PTPRD: variants seen among roughly 807,000 people sequenced by gnomAD.
The protein encoded by PTPRD is protein tyrosine phosphatase receptor type D.
Under a neutral mutation model 214.5 loss-of-function variants are expected in PTPRD, and 34 were observed. That is an observed-to-expected ratio of 0.16 (90% confidence interval 0.12 to 0.21). The LOEUF (loss-of-function observed/expected upper bound fraction) is 0.21. PTPRD is among the 10% of genes least tolerant of loss of function. PTPRD has a pLI of 1.00. For synonymous variants in PTPRD, 1,128 were observed against 845.7 expected (o/e 1.33, Z -5.79); for missense variants, 2,545 against 2,398.7 (o/e 1.06, Z -1.27).
intron 8 of PTPRD, among the ~76,000 whole-genome samples, chr9:9,563,605 A>G (rs891775173): frequency 6.6e-6 from 1 of 152,192 alleles, no homozygotes; most frequent in Non-Finnish European, 1.5e-5. Flanking sequence ...TCAGAGGATC[A>G]GGACAGCTGT....
At chr9:9,975,093 C>A (rs998079419) in intron 4 of PTPRD, among the ~76,000 whole-genome samples, 9 of 151,810 alleles carry the variant, frequency 5.9e-5, no homozygotes, top group African/African-American at 2.2e-4. Flanking sequence ...CCCACTCTCC[C>A]GTTAGCACTG....
intron 44 of PTPRD, among the ~76,000 whole-genome samples, chr9:8,324,276 G>C (rs1370065639): frequency 1.3e-5 from 2 of 152,004 alleles, no homozygotes; most frequent in East Asian, 1.9e-4. Context: ...GCAGGCCCTG[G>C]TGTGTGATGT....
intron 11 of PTPRD, among the ~76,000 whole-genome samples, chr9:8,913,328 T>G (rs2098760958): frequency 6.6e-6 from 1 of 152,112 alleles, no homozygotes; most frequent in African/African-American, 2.4e-5. Context: ...GTTACTATTT[T>G]TAGAATCCGC....
intron 10 of PTPRD, among the ~76,000 whole-genome samples, chr9:9,114,472 G>T (rs1489999359): frequency 2.0e-5 from 3 of 152,100 alleles, no homozygotes; most frequent in East Asian, 3.9e-4. Flanking sequence ...ACAATCTGAA[G>T]GTATCTGAAT....
intron 3 of PTPRD, among the ~76,000 whole-genome samples, chr9:10,337,010 G>GT (rs148845152): frequency 0.015 from 2,297 of 151,672 alleles, 64 homozygotes; most frequent in African/African-American, 0.053. Flanking sequence ...ACTAGACAAG[G>GT]TGAGTTAGTT....
chr9:10,101,551 G>A (rs1423769570), intron 3 of PTPRD, among the ~76,000 whole-genome samples: 1 of 151,548 alleles, frequency 6.6e-6, no homozygotes, highest in Non-Finnish European at 1.5e-5. Context: ...GCCCACTAAG[G>A]CTTTTACCAT....
At chr9:9,659,958 T>C (rs1049599069) in intron 7 of PTPRD, among the ~76,000 whole-genome samples, 1 of 152,070 alleles carries the variant, frequency 6.6e-6, no homozygotes, top group Non-Finnish European at 1.5e-5. Context: ...ATTACATATA[T>C]TACTCTCTTC....
chr9:10,152,674 A>G (rs534475285), intron 3 of PTPRD, among the ~76,000 whole-genome samples: 43 of 152,250 alleles, frequency 2.8e-4, no homozygotes, highest in African/African-American at 9.4e-4. Flanking sequence ...AAAAATACAA[A>G]ATTAGCTGGG....
chr9:9,934,030 C>G (rs1438501822), intron 5 of PTPRD, among the ~76,000 whole-genome samples: 4 of 148,412 alleles, frequency 2.7e-5, no homozygotes, highest in South Asian at 4.2e-4. Context: ...TTGAAACCAA[C>G]GAGAACAAAG....
At chr9:10,028,266 A>G (rs1567177660) in intron 4 of PTPRD, among the ~76,000 whole-genome samples, 1 of 152,186 alleles carries the variant, frequency 6.6e-6, no homozygotes, top group Non-Finnish European at 1.5e-5. Flanking sequence ...CTGTAAGTCT[A>G]TTAAACCTTT....
chr9:9,268,683 C>T (rs1941326032), intron 9 of PTPRD, among the ~76,000 whole-genome samples: 1 of 150,470 alleles, frequency 6.6e-6, no homozygotes, highest in South Asian at 2.1e-4. Flanking sequence ...GAGAAGAGAA[C>T]AGAGAGCCCA....
chr9:8,851,275 C>G (rs567987391), intron 11 of PTPRD, among the ~76,000 whole-genome samples: 1 of 151,536 alleles, frequency 6.6e-6, no homozygotes, highest in South Asian at 2.1e-4. Context: ...TTCCCCCAAA[C>G]TGAAACTCCA....
intron 3 of PTPRD, among the ~76,000 whole-genome samples, chr9:10,221,311 G>T (rs546680490): frequency 6.6e-6 from 1 of 151,880 alleles, no homozygotes; most frequent in African/African-American, 2.4e-5. Flanking sequence ...ACACATATAC[G>T]CAAACACAGA....
chr9:10,569,067 A>G (rs1256619404), intron 2 of PTPRD, among the ~76,000 whole-genome samples: 1 of 152,148 alleles, frequency 6.6e-6, no homozygotes, highest in Admixed American at 6.6e-5. Context: ...AACTCAAACA[A>G]ATTTACAAGA....
intron 5 of PTPRD, among the ~76,000 whole-genome samples, chr9:9,818,968 T>C (rs531688792): frequency 6.6e-6 from 1 of 152,040 alleles, no homozygotes; most frequent in East Asian, 1.9e-4. Flanking sequence ...AATTATTTTA[T>C]TGTAATAGCT....
intron 9 of PTPRD, among the ~76,000 whole-genome samples, chr9:9,239,098 A>C (rs540469838): frequency 1.9e-4 from 29 of 152,158 alleles, no homozygotes; most frequent in Non-Finnish European, 3.4e-4. Flanking sequence ...ATGAGATGTA[A>C]ATCTATTACC....
chr9:9,421,912 G>T (rs1219162056), intron 8 of PTPRD, among the ~76,000 whole-genome samples: 1 of 151,486 alleles, frequency 6.6e-6, no homozygotes, highest in Non-Finnish European at 1.5e-5. Context: ...CCAGATTGAT[G>T]GAAAAGAATG....
chr9:9,863,542 T>C (rs1180108715), intron 5 of PTPRD, among the ~76,000 whole-genome samples: 1 of 152,186 alleles, frequency 6.6e-6, no homozygotes, highest in Non-Finnish European at 1.5e-5. Flanking sequence ...ACTTGATTAA[T>C]CTAAGCTAAT....
At chr9:8,658,921 G>A (rs544012746) in intron 12 of PTPRD, among the ~76,000 whole-genome samples, 1 of 152,220 alleles carries the variant, frequency 6.6e-6, no homozygotes, top group South Asian at 2.1e-4. Context: ...AAATGCTAAT[G>A]AGGCTCCAAA....
Sources: gnomAD v4.1 joint callset for allele counts (sites outside exome capture counted in the v4.1 genomes callset) on GRCh38, gnomAD v4.1.1 for gene constraint, MANE v1.5 for transcripts, NCBI Gene and HGNC (gene_info 2026-07-23, HGNC 2026-07-21) for gene names.